Variants in LRRC36 observed in about 807,000 individuals in gnomAD.
LRRC36 encodes leucine rich repeat containing 36.
In LRRC36, 62 loss-of-function variants were observed where a neutral mutation model predicts 81.1. The ratio of observed to expected loss-of-function variants is 0.76; its 90% confidence interval spans 0.62 to 0.94. The LOEUF (loss-of-function observed/expected upper bound fraction) is 0.94, where lower values mean the gene tolerates loss of function less well. LRRC36 is among the 40% of genes least tolerant of loss of function. The probability of loss-of-function intolerance (pLI) is 0.00; values close to 1 mark genes in which losing one functional copy is unlikely to be tolerated. For missense variants in LRRC36, 761 were observed against 881.7 expected (o/e 0.86, Z 1.73); for synonymous variants, 334 against 348.6 (o/e 0.96, Z 0.47).
At chr16:67,352,133 C>T (rs1473009204) in intron 5 of LRRC36, among the ~76,000 whole-genome samples, 1 of 152,158 alleles carries the variant, frequency 6.6e-6, no homozygotes, top group Non-Finnish European at 1.5e-5. Flanking sequence ...CTTCTAAGAA[C>T]AAACTGCTTT....
Position 67,378,286 on chromosome 16 carries a change from C to T in LRRC36, c.1807-303C>T, listed in dbSNP as rs896115342. Among the ~76,000 whole-genome samples, 9 of 130,744 alleles carry T rather than the reference C, an allele frequency of 6.9e-5. No individual in the cohort carries two copies. The South Asian group carries it at 9.3e-4, about 14-fold the overall frequency. 85.8% of individuals were successfully genotyped at this position (130,744 alleles called of 152,430 possible). A position where few individuals can be genotyped will look rare whatever the true frequency, so the allele number is the denominator to read the frequency against. ...ACGGATTCTCGCTCTGTTGCCCAGG[C>T]TGGAGTGCAATGGCACTTTCTCAGC... On this transcript the variant is annotated intron_variant, in intron 11 of 13. Coordinates refer to ENST00000329956, the MANE Select transcript of LRRC36 (RefSeq NM_018296.6).
At chr16:67,383,196 C>T (rs1187380552) in intron 13 of LRRC36, among the ~76,000 whole-genome samples, 1 of 150,782 alleles carries the variant, frequency 6.6e-6, no homozygotes, top group Non-Finnish European at 1.5e-5. Flanking sequence ...GCCGATAATA[C>T]ACATTTACGA....
intron 1 of LRRC36, among the ~76,000 whole-genome samples, chr16:67,329,305 T>C (rs978664519): frequency 1.3e-5 from 2 of 152,066 alleles, no homozygotes; most frequent in African/African-American, 4.8e-5. Context: ...TTTGTTTTGT[T>C]TTTGAGATGG....
At chr16:67,379,100 A>T (rs9934827) in intron 12 of LRRC36, among the ~76,000 whole-genome samples, 33,127 of 152,048 alleles carry the variant, frequency 0.22, 7,243 homozygotes, top group African/African-American at 0.57. Context: ...TTCTTCTACC[A>T]TACCTCTCTA....
intron 7 of LRRC36, among the ~76,000 whole-genome samples, chr16:67,366,749 C>CAA (rs113366890): frequency 8.0e-5 from 11 of 137,978 alleles, no homozygotes; most frequent in African/African-American, 1.8e-4. Flanking sequence ...GACCCTGTCT[C>CAA]AAAAAAAAAA....
intron 7 of LRRC36, among the ~76,000 whole-genome samples, chr16:67,366,397 C>G (rs1211118905): frequency 1.3e-5 from 2 of 151,900 alleles, no homozygotes; most frequent in East Asian, 3.9e-4. Flanking sequence ...GGTGGATCAC[C>G]TGAGGTCAGG....
In LRRC36 at chr16:67,382,215, G is replaced by A; in HGVS notation, c.2013G>A (p.Glu671=). 1.9e-6 allele frequency: 3 copies of A among 1,614,158 alleles called. No homozygotes were observed. The highest frequency in any genetic ancestry group is 2.5e-6 in the Non-Finnish European group (3 of 1,179,998). The change falls in exon 13 of 14, where the codon GAG becomes GAA. Residue 671 remains glutamate, a synonymous_variant. Coordinates refer to ENST00000329956, the MANE Select transcript of LRRC36 (RefSeq NM_018296.6). ...AGCTTGCCCAGCTGAAAAAGCTGGA[G>A]AAGACAGTTGCCATTCTCCATGAAA... ...NQELAQLKKL[E]KTVAILHESQ... is the part of the protein sequence containing the mutation.
intron 8 of LRRC36, among the ~76,000 whole-genome samples, chr16:67,369,294 G>T (rs2039536609): frequency 6.6e-6 from 1 of 152,168 alleles, no homozygotes; most frequent in African/African-American, 2.4e-5. Flanking sequence ...CAGCCAGTAA[G>T]ATAGAGGGGA....
chr16:67,359,043 A>C (rs917417892), intron 5 of LRRC36, among the ~76,000 whole-genome samples: 2 of 152,246 alleles, frequency 1.3e-5, no homozygotes, highest in African/African-American at 4.8e-5. Flanking sequence ...AAGGATGTGC[A>C]GAAATTGGAG....
At chr16:67,337,715 C>A (rs2037831061) in intron 1 of LRRC36, among the ~76,000 whole-genome samples, 2 of 151,642 alleles carry the variant, frequency 1.3e-5, no homozygotes, top group South Asian at 4.2e-4. Flanking sequence ...TTTTTCTTTT[C>A]TAATCATCTT....
chr16:67,366,679 AGCGAAGGTT>A (rs2039406746), intron 7 of LRRC36, among the ~76,000 whole-genome samples: 1 of 151,804 alleles, frequency 6.6e-6, no homozygotes, highest in African/African-American at 2.4e-5. Context: ...CCCTCTGGGA[AGCGAAGGTT>A]GCACTGAGCT....
At chr16:67,352,870 G>T (rs1348888045) in intron 5 of LRRC36, among the ~76,000 whole-genome samples, 1 of 151,084 alleles carries the variant, frequency 6.6e-6, no homozygotes, top group Non-Finnish European at 1.5e-5. Flanking sequence ...GCAGAGAGGG[G>T]GTTTTGCCAT....
intron 1 of LRRC36, among the ~76,000 whole-genome samples, chr16:67,335,127 G>A (rs2037696463): frequency 1.3e-5 from 2 of 152,142 alleles, no homozygotes; most frequent in Admixed American, 6.5e-5. Context: ...GCAGACAACT[G>A]GTCTGACCAA....
chr16:67,373,123 G>A (rs978101185), intron 9 of LRRC36, among the ~76,000 whole-genome samples: 1 of 151,784 alleles, frequency 6.6e-6, no homozygotes, highest in Non-Finnish European at 1.5e-5. Context: ...GGAGGCCAAG[G>A]TGGAGGATTA....
chr16:67,380,656 A>G (rs541437596), intron 12 of LRRC36, among the ~76,000 whole-genome samples: 8 of 152,220 alleles, frequency 5.3e-5, no homozygotes, highest in Admixed American at 3.9e-4. Context: ...AATAATCAAG[A>G]TATCAGTCTC....
rs538350315 is a variant in LRRC36 at position 67,371,145 on chromosome 16, G to A, written c.1397G>A (p.Arg466Lys). The A allele has an allele frequency of 2.9e-5, 47 of 1,614,150 alleles. 1 individual carries two copies. The South Asian group carries it at 4.6e-4, about 16-fold the overall frequency. Reference sequence around the variant, plus strand: ...GAACACAGAAAGATTTTTACCAAGAGGTCACTAAGCCCATCGAAGAGAGGA... The same window carrying A: ...GAACACAGAAAGATTTTTACCAAGAAGTCACTAAGCCCATCGAAGAGAGGA... ...TSEHRKIFTK[R>K]SLSPSKRGFK... is the part of the protein sequence containing the mutation. The change falls in exon 9 of 14, where the codon AGG becomes AAG. Residue 466 changes from arginine (R) to lysine (K), a missense_variant. Coordinates refer to ENST00000329956, the MANE Select transcript of LRRC36 (RefSeq NM_018296.6).
At chr16:67,338,968 C>T (rs1362383062) in intron 1 of LRRC36, among the ~76,000 whole-genome samples, 1 of 137,504 alleles carries the variant, frequency 7.3e-6, no homozygotes, top group Non-Finnish European at 1.5e-5. Context: ...GATCTTGGCT[C>T]ACTGCAACCC....
chr16:67,347,355 A>G, intron 3 of LRRC36, 140 bp from the exon 4 acceptor site: 3 of 1,468,422 alleles, frequency 2.0e-6, no homozygotes, highest in South Asian at 1.3e-5. Context: ...ACATAATAGC[A>G]TTATTTTGTG....
At chr16:67,328,755 T>C (rs1290345939) in intron 1 of LRRC36, among the ~76,000 whole-genome samples, 1 of 152,122 alleles carries the variant, frequency 6.6e-6, no homozygotes, top group East Asian at 1.9e-4. Context: ...TCTATTAGCC[T>C]ACCTCAACAG....
Sources: gnomAD v4.1 joint callset for allele counts (sites outside exome capture counted in the v4.1 genomes callset) on GRCh38, gnomAD v4.1.1 for gene constraint, MANE v1.5 for transcripts, NCBI Gene and HGNC (gene_info 2026-07-23, HGNC 2026-07-21) for gene names.